The following SMARCD3 variants were observed in gnomAD, a reference collection of about 807,000 sequenced individuals.
The protein encoded by SMARCD3 is SWI/SNF related BAF chromatin remodeling complex subunit D3, also known as SWI/SNF-related matrix-associated actin-dependent regulator of chromatin subfamily D member 3.
In SMARCD3, 14 loss-of-function variants were observed where a neutral mutation model predicts 58.0. The ratio of observed to expected loss-of-function variants is 0.24; its 90% CI spans 0.16 to 0.38. SMARCD3 has a LOEUF of 0.38. Among genes scored for constraint, SMARCD3 ranks in the 10% least tolerant of loss-of-function variants. The pLI, the probability that SMARCD3 is intolerant of heterozygous loss-of-function variation, is 1.00. For synonymous variants in SMARCD3, 253 were observed against 253.8 expected, an observed-to-expected ratio of 1.00 and a Z score of 0.03; for missense variants, 408 against 636.9, an observed-to-expected ratio of 0.64 and a Z score of 3.87.
chr7:151,240,728 C>T lies in SMARCD3; in HGVS notation c.940-206G>A, dbSNP rs574660822. On this transcript the variant is annotated intron_variant, in intron 8 of 12. Coordinates refer to ENST00000262188, the MANE Select transcript of SMARCD3 (RefSeq NM_001003801.2). ...AGATAGGGGGTGGGTCAGTGTGGGG[C>T]AGGGGTTGAGAGTGCGGGCCCTGGG... The T allele has an allele frequency of 1.5e-4, 88 of 570,946 alleles. No individual in the cohort carries two copies. The African/African-American group carries it at 1.6e-3, about 10-fold the overall frequency. The allele number at this position is 570,946 out of a possible 1,614,324, so 35.4% of individuals were successfully genotyped here.
rs2150592722 is a variant in SMARCD3, at chr7:151,243,095, A to G, written c.334-252T>C. ...GCCTTGTGTTTCATCATCAGGGAGG[A>G]GGTAGCAACGGTGGAGCTCAGCAAG... On this transcript the variant is annotated intron_variant, in intron 3 of 12. Coordinates refer to ENST00000262188, the MANE Select transcript of SMARCD3 (RefSeq NM_001003801.2). This position sits in a 1 kb window ranked among gnomAD's most constrained non-coding sequence, Gnocchi z 4.4. Among the ~76,000 whole-genome samples, 1 of 152,216 alleles carries G rather than the reference A, an allele frequency of 6.6e-6. No homozygotes were observed. Among genetic ancestry groups the G allele is most frequent in the East Asian group, 1.9e-4 (1 of 5,180 alleles).
At chr7:151,258,522 G>A (rs1387229494) in intron 2 of SMARCD3, among the ~76,000 whole-genome samples, 4 of 143,484 alleles carry the variant, frequency 2.8e-5, no homozygotes, top group East Asian at 2.1e-4. Context: ...CCAAGATTTC[G>A]CCACTGCACT....
At chr7:151,259,023 A>C (rs1803808078) in intron 2 of SMARCD3, among the ~76,000 whole-genome samples, 4 of 151,906 alleles carry the variant, frequency 2.6e-5, no homozygotes, top group Admixed American at 2.6e-4. Flanking sequence ...CTACTCCCTT[A>C]CATTGATGCC....
At chr7:151,262,664 G>A (rs913549881) in intron 2 of SMARCD3, among the ~76,000 whole-genome samples, 1 of 152,226 alleles carries the variant, frequency 6.6e-6, no homozygotes, top group Admixed American at 6.5e-5. Context: ...TGTGTCCTTA[G>A]GGCCCCGCGG....
intron 2 of SMARCD3, among the ~76,000 whole-genome samples, chr7:151,244,451 TG>T (rs1803158214): frequency 6.6e-6 from 1 of 152,100 alleles, no homozygotes; most frequent in Admixed American, 6.5e-5. Context: ...GGTCAAGAGA[TG>T]AAAACGCAGC....
At chr7:151,254,658 G>A (rs977397955) in intron 2 of SMARCD3, among the ~76,000 whole-genome samples, 2 of 152,176 alleles carry the variant, frequency 1.3e-5, no homozygotes, top group Non-Finnish European at 2.9e-5. Flanking sequence ...TTCTTAGTGA[G>A]GGGAGCCCCA....
rs1803018318 is a variant in SMARCD3 at position 151,242,060 on chromosome 7, A to G, written c.675+77T>C. 1 of 1,544,142 alleles carries G rather than the reference A, an allele frequency of 6.5e-7. No homozygotes were observed. The highest frequency in any genetic ancestry group is 1.7e-5 in the Admixed American group (1 of 59,730). ...AGGACTCTAGGGTGGTCCCTGACCC[A>G]AATCTGTGCTGGTTCTTCAGGGATT... On this transcript the variant is annotated intron_variant, in intron 6 of 12. Transcript: ENST00000262188. This position sits in a 1 kb window ranked among gnomAD's most constrained non-coding sequence, Gnocchi z 4.7.
chr7:151,258,183 G>A (rs1395617793), intron 2 of SMARCD3, among the ~76,000 whole-genome samples: 6 of 151,602 alleles, frequency 4.0e-5, no homozygotes, highest in African/African-American at 1.2e-4. Context: ...CCCGGATGCC[G>A]CCCGAGATCC....
Position 151,248,573 on chromosome 7 carries a change from T to C in SMARCD3, c.-11A>G. The C allele has an allele frequency of 1.2e-6, 2 of 1,613,680 alleles. No homozygotes were observed. The highest frequency in any genetic ancestry group is 1.7e-5 in the Admixed American group (1 of 60,008). ...TTCGTCCGCGGCCATCGGGGTGGGC[T>C]CAGCGGCTCCTCTCACTCTCTCTCT... On this transcript the variant is annotated 5_prime_UTR_variant, in exon 1 of 13. Coordinates refer to ENST00000262188, the MANE Select transcript of SMARCD3 (RefSeq NM_001003801.2). This position sits in a 1 kb window ranked among gnomAD's most constrained non-coding sequence, Gnocchi z 6.1.
chr7:151,262,242 G>A (rs554467165), intron 2 of SMARCD3, among the ~76,000 whole-genome samples: 110 of 152,032 alleles, frequency 7.2e-4, no homozygotes, highest in African/African-American at 2.4e-3. Flanking sequence ...CACCATGCCC[G>A]GCCAATTTTT....
chr7:151,274,278 C>G (rs1795269512), intron 2 of SMARCD3, among the ~76,000 whole-genome samples: 1 of 152,238 alleles, frequency 6.6e-6, no homozygotes, highest in Non-Finnish European at 1.5e-5. Flanking sequence ...TGGGGCTGGG[C>G]AGGCAGAGCT....
At position 151,242,101 on chromosome 7, in the gene SMARCD3, G is replaced by C. The variant is rs1563650084; in HGVS notation, c.675+36C>G. The C allele has an allele frequency of 6.4e-7, 1 of 1,559,642 alleles. No homozygotes were observed. Among genetic ancestry groups the C allele is most frequent in the Admixed American group, 1.7e-5 (1 of 59,906 alleles). On this transcript the variant is annotated intron_variant, in intron 6 of 12. Coordinates refer to ENST00000262188, the MANE Select transcript of SMARCD3 (RefSeq NM_001003801.2). This position sits in a 1 kb window ranked among gnomAD's most constrained non-coding sequence, Gnocchi z 4.7. ...TTCAGGGATTCTGGCCTGTGGGAGG[G>C]TGGCAATTCAAGGGCGGAGGGGCTC...
chr7:151,242,466 T>A lies in SMARCD3; in HGVS notation c.579+15A>T, dbSNP rs888911399. 1 of 1,611,624 alleles carries A rather than the reference T, an allele frequency of 6.2e-7. No homozygotes were observed. The highest frequency in any genetic ancestry group is 2.2e-5 in the East Asian group (1 of 44,848). On this transcript the variant is annotated intron_variant, in intron 5 of 12. Transcript: ENST00000262188. The surrounding 1 kb of genome is among the most constrained non-coding windows in gnomAD (Gnocchi z 4.7). ...CCACCCCAGGACACCTGGAGAGACC[T>A]GGGCCGGGACGTACATCATCCAGGA...
At position 151,239,563 on chromosome 7, in the gene SMARCD3, T is replaced by C. The variant is rs1802846927; in HGVS notation, c.1296+61A>G. On this transcript the variant is annotated intron_variant, in intron 11 of 12. Coordinates refer to ENST00000262188, the MANE Select transcript of SMARCD3 (RefSeq NM_001003801.2). The surrounding 1 kb of genome is among the most constrained non-coding windows in gnomAD (Gnocchi z 7.0). ...CTCACCTGCCCCTGGAGTACAACGT[T>C]TACTCTCTTTCCCGCTGTGCTTGTC... The C allele has an allele frequency of 6.2e-7, 1 of 1,612,124 alleles. No individual in the cohort carries two copies. The highest frequency in any genetic ancestry group is 1.7e-5 in the Admixed American group (1 of 59,992).
chr7:151,276,545 C>T (rs1280969796), intron 1 of SMARCD3, among the ~76,000 whole-genome samples: 1 of 105,798 alleles, frequency 9.5e-6, no homozygotes, highest in Non-Finnish European at 1.9e-5. Flanking sequence ...TGCCAGGCAG[C>T]GATGGGGAGG....
At position 151,248,305 on chromosome 7, in the gene SMARCD3, G is replaced by T. The variant is rs1370488110; in HGVS notation, c.78+180C>A. Among the ~76,000 whole-genome samples, 1 of 141,418 alleles carries T rather than the reference G, an allele frequency of 7.1e-6. No homozygotes were observed. The highest frequency in any genetic ancestry group is 1.5e-5 in the Non-Finnish European group (1 of 65,954). 92.8% of individuals were successfully genotyped at this position (141,418 alleles called of 152,430 possible). ...CGCCTCGCGTCAGACCCGGCCGGCC[G>T]CCTGGCGACGTGTTCGGGTGCCAGG... On this transcript the variant is annotated intron_variant, in intron 1 of 12. Transcript: ENST00000262188. The surrounding 1 kb of genome is among the most constrained non-coding windows in gnomAD (Gnocchi z 6.1).
intron 8 of SMARCD3, 198 bp from the exon 9 acceptor site, chr7:151,240,720 G>C: frequency 1.7e-6 from 1 of 578,752 alleles, no homozygotes; most frequent in Non-Finnish European, 3.1e-6. Flanking sequence ...GGGTGGGTCA[G>C]TGTGGGGCAG....
intron 2 of SMARCD3, among the ~76,000 whole-genome samples, chr7:151,254,033 A>G (rs1803618457): frequency 6.6e-6 from 1 of 152,196 alleles, no homozygotes; most frequent in African/African-American, 2.4e-5. Context: ...ACACAAGGGG[A>G]TCGCATGGCC....
At chr7:151,276,074 C>G (rs534525361) in intron 1 of SMARCD3, among the ~76,000 whole-genome samples, 2 of 130,406 alleles carry the variant, frequency 1.5e-5, no homozygotes, top group African/African-American at 5.9e-5. Context: ...TGGTGGGGTC[C>G]GGGAGACAGA....
Sources: allele counts gnomAD v4.1 joint callset (sites outside exome capture counted in the v4.1 genomes callset), GRCh38; gene constraint gnomAD v4.1.1; non-coding constraint Gnocchi (gnomAD v3.1); transcripts MANE v1.5; gene names NCBI Gene and HGNC (gene_info 2026-07-23, HGNC 2026-07-21).